Variants in ALKBH3 observed in about 807,000 individuals in gnomAD.
ALKBH3 encodes the protein alkB homolog 3, alpha-ketoglutarate dependent dioxygenase.
ALKBH3 carries 51 observed loss-of-function variants against 43.9 expected under a neutral mutation model. That is an observed-to-expected ratio of 1.16 (90% confidence interval 0.93 to 1.47). ALKBH3 has a LOEUF of 1.47. Ranked by LOEUF, ALKBH3 falls within the 40% of genes most tolerant of loss-of-function variation. The pLI is 0.00. For missense variants in ALKBH3, 361 were observed against 351.9 expected, an observed-to-expected ratio of 1.03 and a Z score of -0.21; for synonymous variants, 102 against 115.2, an observed-to-expected ratio of 0.89 and a Z score of 0.73.
rs927948139 is a variant in ALKBH3, at chr11:43,920,101, G to A, written c.*91G>A. 1.6e-6 allele frequency: 2 copies of A among 1,229,470 alleles called. No individual in the cohort carries two copies. Among genetic ancestry groups the A allele is most frequent in the Non-Finnish European group, 2.3e-6 (2 of 852,494 alleles). 76.2% of individuals were successfully genotyped at this position (1,229,470 alleles called of 1,614,324 possible). A position where few individuals can be genotyped will look rare whatever the true frequency, so the allele number is the denominator to read the frequency against. Reference sequence around the variant, plus strand: ...AGAGGCTGGTGCTGCTAGATCTCATGATGTGGCTGTTGGGAAGATGGTGGG... The same window carrying A: ...AGAGGCTGGTGCTGCTAGATCTCATAATGTGGCTGTTGGGAAGATGGTGGG... On this transcript the variant is annotated 3_prime_UTR_variant, in exon 10 of 10. Coordinates refer to ENST00000302708, the MANE Select transcript of ALKBH3 (RefSeq NM_139178.4).
chr11:43,909,033 C>T (rs372420739), intron 8 of ALKBH3, among the ~76,000 whole-genome samples: 10 of 152,206 alleles, frequency 6.6e-5, no homozygotes, highest in East Asian at 5.8e-4. Context: ...CTCGCCAGAA[C>T]CTTCCAAGCC....
At chr11:43,884,288 C>T (rs1951733101) in intron 4 of ALKBH3, among the ~76,000 whole-genome samples, 2 of 151,818 alleles carry the variant, frequency 1.3e-5, no homozygotes, top group African/African-American at 4.8e-5. Flanking sequence ...TATCTGTAGA[C>T]AGTAAGCTAA....
At chr11:43,910,624 C>A (rs548464526) in intron 8 of ALKBH3, 2 of 152,156 alleles carry the variant, frequency 1.3e-5, no homozygotes, top group Non-Finnish European at 2.9e-5. Flanking sequence ...AGGTTAACAC[C>A]GTAAGTTATT....
chr11:43,889,337 T>G (rs557210320), intron 5 of ALKBH3, among the ~76,000 whole-genome samples: 2 of 152,340 alleles, frequency 1.3e-5, no homozygotes, highest in African/African-American at 4.8e-5. Flanking sequence ...ATTATTCTAT[T>G]TACTCTTCAC....
chr11:43,913,930 C>T (rs545276025), intron 8 of ALKBH3, among the ~76,000 whole-genome samples: 2 of 152,174 alleles, frequency 1.3e-5, no homozygotes, highest in South Asian at 4.1e-4. Context: ...GTCAGCTTCC[C>T]TGGAAAACCC....
chr11:43,918,454 G>A (rs755430814), intron 8 of ALKBH3, among the ~76,000 whole-genome samples: 2 of 152,186 alleles, frequency 1.3e-5, no homozygotes, highest in African/African-American at 4.8e-5. Context: ...TCTTGCTGTT[G>A]TCTGTTCTGG....
intron 4 of ALKBH3, among the ~76,000 whole-genome samples, chr11:43,884,277 A>G (rs1951733021): frequency 6.8e-6 from 1 of 147,164 alleles, no homozygotes; most frequent in Admixed American, 6.7e-5. Context: ...TATTTCACCG[A>G]TATCTGTAGA....
In ALKBH3 at chr11:43,920,154, A is replaced by G. The variant is rs1952015551; in HGVS notation, c.*144A>G. On this transcript the variant is annotated 3_prime_UTR_variant, in exon 10 of 10. Coordinates refer to ENST00000302708, the MANE Select transcript of ALKBH3 (RefSeq NM_139178.4). ...TTGTTTGCCAGCTTGGAGTCCTATT[A>G]AATGAAAGCCAGCAACTCATGTTGG... 2.9e-6 allele frequency: 2 copies of G among 698,896 alleles called. No individual in the cohort carries two copies. The highest frequency in any genetic ancestry group is 2.8e-5 in the Admixed American group (1 of 36,118). 43.3% of individuals were successfully genotyped at this position (698,896 alleles called of 1,614,324 possible).
chr11:43,899,830 A>T (rs1308788164), intron 7 of ALKBH3, among the ~76,000 whole-genome samples: 1 of 152,022 alleles, frequency 6.6e-6, no homozygotes, highest in Non-Finnish European at 1.5e-5. Context: ...TCTTGAAATA[A>T]AAGTAGTTTC....
chr11:43,895,180 C>T (rs976643740), intron 7 of ALKBH3, among the ~76,000 whole-genome samples: 5 of 152,154 alleles, frequency 3.3e-5, no homozygotes, highest in Admixed American at 6.5e-5. Context: ...CTTTGCTGAA[C>T]GTCTGTTTCT....
intron 5 of ALKBH3, among the ~76,000 whole-genome samples, chr11:43,889,436 G>A (rs1951768374): frequency 6.6e-6 from 1 of 152,218 alleles, no homozygotes; most frequent in Non-Finnish European, 1.5e-5. Flanking sequence ...GGGTTTCACA[G>A]CTAAGCAGTA....
chr11:43,897,210 T>G (rs771420225), intron 7 of ALKBH3: 1 of 527,856 alleles, frequency 1.9e-6, no homozygotes, highest in South Asian at 1.4e-5. Flanking sequence ...ATATTGCAAC[T>G]AACCTTTAAG....
intron 7 of ALKBH3, chr11:43,897,275 C>T (rs368918085): frequency 6.4e-5 from 37 of 575,402 alleles, no homozygotes; most frequent in African/African-American, 5.9e-4. Flanking sequence ...CTGGTATGAG[C>T]GCCCGTCGCC....
At chr11:43,889,911 C>A in intron 6 of ALKBH3, 83 bp downstream of exon 6, 1 of 1,158,088 alleles carries the variant, frequency 8.6e-7, no homozygotes, top group East Asian at 2.4e-5. Flanking sequence ...TTCTGCTCAC[C>A]AAAGCTAGTC....
chr11:43,895,821 C>T lies in ALKBH3; in HGVS notation c.459+3692C>T, dbSNP rs112172901. On this transcript the variant is annotated intron_variant, in intron 7 of 9. Transcript: ENST00000302708. ...AGTCATTGTGTTCGTCATCATCATG[C>T]GCTTCCAGTGTAAACTTTAAAAAAT... Among the ~76,000 whole-genome samples, 366 of 152,288 alleles carry T rather than the reference C, an allele frequency of 2.4e-3. 1 individual carries two copies. The highest frequency in any genetic ancestry group is 8.4e-3 in the African/African-American group (351 of 41,562).
chr11:43,915,493 C>T lies in ALKBH3; in HGVS notation c.670-3545C>T, dbSNP rs530715660. 2.9e-4 allele frequency among the ~76,000 whole-genome samples: 44 copies of T among 152,138 alleles called. No homozygotes were observed. In the South Asian group the frequency reaches 9.1e-3, roughly 32 times the overall value. On this transcript the variant is annotated intron_variant, in intron 8 of 9. Transcript: ENST00000302708. ...AGAAATATATGCAGAAATGTTTTGCCCAAAAATCTGCTTGCAGCAGCTTTT... is the reference window on the plus strand; with the variant it reads ...AGAAATATATGCAGAAATGTTTTGCTCAAAAATCTGCTTGCAGCAGCTTTT...
chr11:43,917,616 C>G (rs2135209123), intron 8 of ALKBH3, among the ~76,000 whole-genome samples: 1 of 152,244 alleles, frequency 6.6e-6, no homozygotes, highest in East Asian at 1.9e-4. Context: ...ATCTTTTCCC[C>G]AGTAGGACCA....
chr11:43,885,778 A>G (rs16937674), intron 4 of ALKBH3, among the ~76,000 whole-genome samples: 3,675 of 152,376 alleles, frequency 0.024, 74 homozygotes, highest in African/African-American at 0.058. Context: ...TAAAATAGAC[A>G]TTTAATCAGA....
intron 7 of ALKBH3, among the ~76,000 whole-genome samples, chr11:43,901,014 A>G (rs1225726415): frequency 6.6e-6 from 1 of 152,220 alleles, no homozygotes; most frequent in African/African-American, 2.4e-5. Flanking sequence ...GATCATTTTT[A>G]AAAAGCACTT....
Sources: allele counts gnomAD v4.1 joint callset (sites outside exome capture counted in the v4.1 genomes callset), GRCh38; gene constraint gnomAD v4.1.1; transcripts MANE v1.5; gene names NCBI Gene and HGNC (gene_info 2026-07-23, HGNC 2026-07-21).